Variants in EIF4EBP1 observed in about 807,000 individuals in gnomAD.
EIF4EBP1 encodes eukaryotic translation initiation factor 4E-binding protein 1.
In EIF4EBP1, 5 loss-of-function variants were observed where a neutral mutation model predicts 9.2. That is an observed-to-expected ratio of 0.54 (90% CI 0.28 to 1.14). The LOEUF is 1.14. EIF4EBP1 is among the 50% of genes most tolerant of loss of function. The pLI is 0.09. For missense variants in EIF4EBP1, 139 were observed against 169.6 expected (o/e 0.82, Z 1.00); for synonymous variants, 62 against 67.0 (o/e 0.93, Z 0.36).
chr8:38,046,751 T>A (rs967213641), intron 1 of EIF4EBP1, among the ~76,000 whole-genome samples: 6 of 152,130 alleles, frequency 3.9e-5, no homozygotes, highest in African/African-American at 1.4e-4. Flanking sequence ...AGATTTTAAG[T>A]CATAACTTGC....
rs567241096 is a variant in EIF4EBP1, at chr8:38,060,351, G to A, written c.*416G>A. On this transcript the variant is annotated 3_prime_UTR_variant, in exon 3 of 3. Coordinates refer to ENST00000338825, the MANE Select transcript of EIF4EBP1 (RefSeq NM_004095.4). ...AAGAGAGGAAATAAAAGCCACCTTC[G>A]CCCTAGGGCCAAGAGTTGGGCCCCG... 3.8e-4 allele frequency: 97 copies of A among 257,936 alleles called. 1 individual carries two copies. The South Asian group carries it at 4.8e-3, about 13-fold the overall frequency. The allele number at this position is 257,936 out of a possible 1,614,324, so 16.0% of individuals were successfully genotyped here.
At chr8:38,034,787 TGGGAAGAAG>T (rs1367024840) in intron 1 of EIF4EBP1, among the ~76,000 whole-genome samples, 1 of 152,170 alleles carries the variant, frequency 6.6e-6, no homozygotes, top group Non-Finnish European at 1.5e-5. Flanking sequence ...CAGGCAGTGC[TGGGAAGAAG>T]GGGATGTAGG....
intron 1 of EIF4EBP1, among the ~76,000 whole-genome samples, chr8:38,034,041 C>A (rs1174947216): frequency 6.6e-6 from 1 of 152,010 alleles, no homozygotes; most frequent in East Asian, 1.9e-4. Context: ...CCACTGCACC[C>A]GGCCCTTTTT....
At chr8:38,053,076 T>TG (rs1341712397) in intron 1 of EIF4EBP1, among the ~76,000 whole-genome samples, 3 of 151,956 alleles carry the variant, frequency 2.0e-5, no homozygotes, top group Admixed American at 2.0e-4. Flanking sequence ...TGGAGTGTAG[T>TG]GGCATGATCT....
At chr8:38,052,495 G>A (rs979711799) in intron 1 of EIF4EBP1, among the ~76,000 whole-genome samples, 79 of 152,068 alleles carry the variant, frequency 5.2e-4, no homozygotes, top group African/African-American at 1.7e-3. Flanking sequence ...TTGGGAGGCC[G>A]AGGCAGGCGG....
At chr8:38,031,418 T>TG (rs769199860) in intron 1 of EIF4EBP1, among the ~76,000 whole-genome samples, 22 of 152,064 alleles carry the variant, frequency 1.4e-4, no homozygotes, top group East Asian at 1.2e-3. Flanking sequence ...CTGGCACGGG[T>TG]GGGGGGGCCA....
intron 1 of EIF4EBP1, among the ~76,000 whole-genome samples, chr8:38,033,887 C>T (rs1001607847): frequency 1.9e-4 from 28 of 151,296 alleles, no homozygotes; most frequent in African/African-American, 6.6e-4. Flanking sequence ...GCTGGGACTA[C>T]AGGCGCCCGC....
At chr8:38,037,868 A>T (rs1328387137) in intron 1 of EIF4EBP1, among the ~76,000 whole-genome samples, 1 of 151,532 alleles carries the variant, frequency 6.6e-6, no homozygotes, top group Non-Finnish European at 1.5e-5. Context: ...CAACCCCCTG[A>T]GCTCAGGTGA....
chr8:38,053,326 T>C (rs1307434359), intron 1 of EIF4EBP1, among the ~76,000 whole-genome samples: 2 of 152,096 alleles, frequency 1.3e-5, no homozygotes, highest in African/African-American at 4.8e-5. Flanking sequence ...CCTGTTTTTT[T>C]GTTTTGTTTT....
Position 38,057,138 on chromosome 8 carries a change from C to G in EIF4EBP1, c.203C>G (p.Thr68Ser), listed in dbSNP as rs780407662. Residue 68 changes from threonine to serine, a missense_variant, in exon 2 of 3, where the codon ACC becomes AGC. Coordinates refer to ENST00000338825, the MANE Select transcript of EIF4EBP1 (RefSeq NM_004095.4). ...ATGGAGTGTCGGAACTCACCTGTGACCAAAACACCCCCAAGGGATCTGCCC... is the reference window on the plus strand; with the variant it reads ...ATGGAGTGTCGGAACTCACCTGTGAGCAAAACACCCCCAAGGGATCTGCCC... ...FLMECRNSPV[T>S]KTPPRDLPTI... is the part of the protein sequence containing the mutation. 1 of 1,614,240 alleles carries G rather than the reference C, an allele frequency of 6.2e-7. No individual in the cohort carries two copies. Among genetic ancestry groups the G allele is most frequent in the South Asian group, 1.1e-5 (1 of 91,088 alleles).
chr8:38,042,182 G>C (rs1266249100), intron 1 of EIF4EBP1, among the ~76,000 whole-genome samples: 1 of 152,084 alleles, frequency 6.6e-6, no homozygotes, highest in Non-Finnish European at 1.5e-5. Flanking sequence ...GCCCTACCCA[G>C]CACTACCATG....
At chr8:38,049,804 A>T (rs1490221905) in intron 1 of EIF4EBP1, among the ~76,000 whole-genome samples, 2 of 151,372 alleles carry the variant, frequency 1.3e-5, no homozygotes, top group Non-Finnish European at 2.9e-5. Flanking sequence ...TTTAAAGTAA[A>T]TTCCCTTTTA....
At chr8:38,046,242 A>T (rs902326272) in intron 1 of EIF4EBP1, among the ~76,000 whole-genome samples, 1 of 152,058 alleles carries the variant, frequency 6.6e-6, no homozygotes, top group African/African-American at 2.4e-5. Context: ...TAGAGATGGG[A>T]TCGTGCTTTG....
At chr8:38,035,500 G>T (rs906502480) in intron 1 of EIF4EBP1, among the ~76,000 whole-genome samples, 4 of 152,030 alleles carry the variant, frequency 2.6e-5, no homozygotes, top group African/African-American at 9.7e-5. Flanking sequence ...TTACAGGCAT[G>T]AGCCACCACA....
At chr8:38,035,919 G>A (rs573377914) in intron 1 of EIF4EBP1, among the ~76,000 whole-genome samples, 1 of 151,218 alleles carries the variant, frequency 6.6e-6, no homozygotes, top group Non-Finnish European at 1.5e-5. Context: ...ACGTTGGCCA[G>A]GCTGGTCTCG....
chr8:38,047,584 A>G (rs1426871085), intron 1 of EIF4EBP1, among the ~76,000 whole-genome samples: 1 of 151,702 alleles, frequency 6.6e-6, no homozygotes, highest in Non-Finnish European at 1.5e-5. Context: ...TCCCAGGTTC[A>G]AGCAGTTTTC....
chr8:38,058,096 C>T (rs1193942710), intron 2 of EIF4EBP1, among the ~76,000 whole-genome samples: 2 of 152,176 alleles, frequency 1.3e-5, no homozygotes, highest in African/African-American at 4.8e-5. Context: ...GCCTGCAGGA[C>T]ATGATTCATA....
chr8:38,038,228 G>A (rs1392659313), intron 1 of EIF4EBP1, among the ~76,000 whole-genome samples: 6 of 151,796 alleles, frequency 4.0e-5, no homozygotes, highest in Admixed American at 3.9e-4. Context: ...CAGATTCTTG[G>A]CCGGACACGG....
intron 1 of EIF4EBP1, among the ~76,000 whole-genome samples, chr8:38,054,168 AC>A (rs1350499620): frequency 2.0e-5 from 3 of 152,152 alleles, no homozygotes; most frequent in Non-Finnish European, 2.9e-5. Context: ...ACCAACAACA[AC>A]AAAAAAAGTG....
Sources: gnomAD v4.1 joint callset for allele counts (sites outside exome capture counted in the v4.1 genomes callset) on GRCh38, gnomAD v4.1.1 for gene constraint, MANE v1.5 for transcripts, NCBI Gene and HGNC (gene_info 2026-07-23, HGNC 2026-07-21) for gene names.